The following CD1B variants were observed in gnomAD, a reference collection of about 807,000 sequenced individuals.
CD1B encodes the protein CD1b molecule, also known as T-cell surface glycoprotein CD1b.
A neutral mutation model predicts 39.8 loss-of-function variants in CD1B; 43 were observed. The ratio of observed to expected loss-of-function variants is 1.08; its 90% CI spans 0.85 to 1.39. The LOEUF (loss-of-function observed/expected upper bound fraction) is 1.39. CD1B is among the 40% of genes most tolerant of loss of function. The pLI is 0.00. For synonymous variants in CD1B, 192 were observed against 152.5 expected, an observed-to-expected ratio of 1.26 and a Z score of -1.91; for missense variants, 495 against 403.8, an observed-to-expected ratio of 1.23 and a Z score of -1.94.
chr1:158,307,446 C>A, the CD1B span, among the ~76,000 whole-genome samples: 2 of 152,086 alleles, frequency 1.3e-5, no homozygotes, highest in Admixed American at 6.6e-5. Flanking sequence ...TAATTAATAG[C>A]TTACCAATCA....
chr1:158,287,565 C>T, the CD1B span, among the ~76,000 whole-genome samples: 2 of 151,990 alleles, frequency 1.3e-5, no homozygotes, highest in Admixed American at 6.6e-5. Flanking sequence ...CATTTAGGGT[C>T]CAGTATGAGC....
the CD1B span, chr1:158,292,808 C>G: frequency 6.2e-7 from 1 of 1,614,038 alleles, no homozygotes; most frequent in Admixed American, 1.7e-5. Flanking sequence ...ATCTGAGGAG[C>G]CTGCTGGCCT....
the CD1B span, among the ~76,000 whole-genome samples, chr1:158,301,234 C>A: frequency 6.6e-6 from 1 of 152,004 alleles, no homozygotes; most frequent in African/African-American, 2.4e-5. Context: ...TGGGTCTTGA[C>A]TCTTTATCCA....
At chr1:158,308,231 A>G in the CD1B span, among the ~76,000 whole-genome samples, 1 of 152,218 alleles carries the variant, frequency 6.6e-6, no homozygotes, top group Non-Finnish European at 1.5e-5. Context: ...CCCATTCACA[A>G]TTGCTTCAAA....
the CD1B span, among the ~76,000 whole-genome samples, chr1:158,308,453 A>G: frequency 6.6e-6 from 1 of 152,172 alleles, no homozygotes; most frequent in Admixed American, 6.6e-5. Flanking sequence ...GTTACCAATG[A>G]CTTTCTTCAC....
At chr1:158,316,440 A>G in the CD1B span, among the ~76,000 whole-genome samples, 2 of 151,790 alleles carry the variant, frequency 1.3e-5, no homozygotes, top group East Asian at 3.9e-4. Context: ...GATTTCACTC[A>G]TGATTTGGCT....
At chr1:158,289,875 AG>A in the CD1B span, 1 of 560,202 alleles carries the variant, frequency 1.8e-6, no homozygotes. Context: ...AGTTCAGAGC[AG>A]GTGGGGAAAT....
the CD1B span, among the ~76,000 whole-genome samples, chr1:158,306,384 C>A: frequency 4.5e-4 from 68 of 152,288 alleles, 1 homozygote; most frequent in Non-Finnish European, 7.5e-4. Flanking sequence ...AGCTAACTAT[C>A]CTAAATATTT....
chr1:158,290,000 T>C, the CD1B span: 5 of 1,455,916 alleles, frequency 3.4e-6, no homozygotes, highest in Non-Finnish European at 4.8e-6. Flanking sequence ...TACAGAGGGA[T>C]AAGTTTGCTA....
chr1:158,317,518 T>C, the CD1B span, among the ~76,000 whole-genome samples: 1 of 152,202 alleles, frequency 6.6e-6, no homozygotes, highest in Non-Finnish European at 1.5e-5. Flanking sequence ...ATCCCCTTTA[T>C]CATTTTTTTA....
the CD1B span, among the ~76,000 whole-genome samples, chr1:158,322,001 C>A: frequency 3.9e-5 from 6 of 152,156 alleles, no homozygotes; most frequent in African/African-American, 1.4e-4. Context: ...CTAATAGGAA[C>A]TTAATTTTAA....
At chr1:158,320,249 G>C in the CD1B span, among the ~76,000 whole-genome samples, 1 of 152,142 alleles carries the variant, frequency 6.6e-6, no homozygotes, top group Non-Finnish European at 1.5e-5. Flanking sequence ...GGGCGCCCCT[G>C]CCTCAGCCTC....
At chr1:158,322,160 G>A in the CD1B span, among the ~76,000 whole-genome samples, 2 of 151,940 alleles carry the variant, frequency 1.3e-5, no homozygotes, top group East Asian at 3.9e-4. Context: ...TTGTATTTTT[G>A]TATTCATACT....
At chr1:158,310,669 C>T in the CD1B span, among the ~76,000 whole-genome samples, 93 of 152,262 alleles carry the variant, frequency 6.1e-4, no homozygotes, top group Non-Finnish European at 5.6e-4. Flanking sequence ...ACAGACACTT[C>T]TCAAAAGAAG....
At chr1:158,292,030 T>G in the CD1B span, 102 of 1,544,136 alleles carry the variant, frequency 6.6e-5, no homozygotes, top group Non-Finnish European at 8.0e-5. Flanking sequence ...GTTTTTATAC[T>G]GTTGTTTTCA....
At position 158,330,902 on chromosome 1, in the gene CD1B, ACCTT is replaced by A; in HGVS notation, c.218_221del (p.Lys73IlefsTer11). 6.2e-7 allele frequency: 1 copy of A among 1,614,082 alleles called. No homozygotes were observed. The highest frequency in any genetic ancestry group is 8.5e-7 in the Non-Finnish European group (1 of 1,179,946). On this transcript the variant is annotated frameshift_variant, in exon 2 of 6. Transcript: ENST00000368168. LOFTEE classifies it high-confidence loss of function. The stretch of plus-strand genomic sequence containing the variant: ...CAGCAACCTCCTTATCACTAAAGTT[ACCTT>A]TAGACCAAGGCTTCAGGAATATGGC...
At chr1:158,315,226 C>G in the CD1B span, among the ~76,000 whole-genome samples, 21 of 152,114 alleles carry the variant, frequency 1.4e-4, no homozygotes, top group Non-Finnish European at 1.8e-4. Context: ...CCTGAGGAAT[C>G]GCCACACTGA....
the CD1B span, among the ~76,000 whole-genome samples, chr1:158,319,276 T>C: frequency 1.7e-4 from 26 of 152,154 alleles, no homozygotes; most frequent in East Asian, 4.6e-3. Flanking sequence ...CTTGGTTCCA[T>C]TCTCCCCGTC....
At chr1:158,305,776 T>C in the CD1B span, among the ~76,000 whole-genome samples, 1 of 152,218 alleles carries the variant, frequency 6.6e-6, no homozygotes, top group African/African-American at 2.4e-5. Context: ...GGGCCAATAT[T>C]CAACATTCTT....
Sources: allele counts gnomAD v4.1 joint callset (sites outside exome capture counted in the v4.1 genomes callset), GRCh38; gene constraint gnomAD v4.1.1; transcripts MANE v1.5; gene names NCBI Gene and HGNC (gene_info 2026-07-23, HGNC 2026-07-21).